LRP6: variants seen among roughly 807,000 people sequenced by gnomAD.
The protein encoded by LRP6 is LDL receptor related protein 6, also known as low-density lipoprotein receptor-related protein 6.
LRP6 carries 43 observed loss-of-function variants against 184.1 expected under a neutral mutation model. The ratio of observed to expected loss-of-function variants is 0.23; its 90% CI spans 0.18 to 0.30. LRP6 has a LOEUF of 0.30. Ranked by LOEUF, LRP6 falls within the 10% of genes least tolerant of loss-of-function variation. The probability of loss-of-function intolerance (pLI) is 1.00; values close to 1 mark genes in which losing one functional copy is unlikely to be tolerated. For synonymous variants in LRP6, 719 were observed against 684.9 expected (o/e 1.05, Z -0.78); for missense variants, 1,571 against 2,005.3 (o/e 0.78, Z 4.14).
rs397743341 is a variant in LRP6, at chr12:12,238,235, A to AC, written c.449+6026dup. ...TGGCAGGTACAAAAGAAAAAAAAAA[A>AC]CAGAAAGTGGCTCAGAGAAATAATG... On this transcript the variant is annotated intron_variant, in intron 2 of 22. Coordinates refer to ENST00000261349, the MANE Select transcript of LRP6 (RefSeq NM_002336.3). Among the ~76,000 whole-genome samples the AC allele has an allele frequency of 5.3e-5, 8 of 151,804 alleles. No individual in the cohort carries two copies. In the South Asian group the frequency reaches 1.2e-3, roughly 24 times the overall value.
At chr12:12,234,311 A>AT (rs1291973126) in intron 2 of LRP6, among the ~76,000 whole-genome samples, 1 of 151,998 alleles carries the variant, frequency 6.6e-6, no homozygotes, top group Non-Finnish European at 1.5e-5. Context: ...TTAGCAAGGC[A>AT]TGATGGCACA....
chr12:12,256,021 AG>A (rs2135938039), intron 1 of LRP6, among the ~76,000 whole-genome samples: 1 of 152,340 alleles, frequency 6.6e-6, no homozygotes, highest in African/African-American at 2.4e-5. Flanking sequence ...AGGTACATAC[AG>A]AAAGTCCTGC....
Position 12,146,879 on chromosome 12 carries a change from G to A in LRP6, c.3397+487C>T, listed in dbSNP as rs959732682. On this transcript the variant is annotated intron_variant, in intron 15 of 22. Coordinates refer to ENST00000261349, the MANE Select transcript of LRP6 (RefSeq NM_002336.3). Reference sequence around the variant, plus strand: ...TAGAAATGTATTATTTACGCCGGGCGCGGTGGCTTACGCCTGTAATCCCAG... The same window carrying A: ...TAGAAATGTATTATTTACGCCGGGCACGGTGGCTTACGCCTGTAATCCCAG... 3.3e-5 allele frequency among the ~76,000 whole-genome samples: 5 copies of A among 152,236 alleles called. No individual in the cohort carries two copies. In the South Asian group the frequency reaches 6.2e-4, roughly 19 times the overall value.
chr12:12,125,151 G>T (rs1200935464), intron 21 of LRP6, 145 bp downstream of exon 21: 3 of 805,978 alleles, frequency 3.7e-6, no homozygotes, highest in Non-Finnish European at 6.2e-6. Context: ...ATGGTGGTGT[G>T]TGGTAAGTCC....
intron 11 of LRP6, 27 bp downstream of exon 11, chr12:12,159,753 G>A (rs986012384): frequency 6.2e-7 from 1 of 1,603,164 alleles, no homozygotes; most frequent in Non-Finnish European, 8.5e-7. Flanking sequence ...AGAATATACT[G>A]TTTGAGTAAA....
At chr12:12,204,545 C>G (rs1187695201) in intron 2 of LRP6, among the ~76,000 whole-genome samples, 1 of 150,750 alleles carries the variant, frequency 6.6e-6, no homozygotes, top group African/African-American at 2.5e-5. Flanking sequence ...TTCTATTCCA[C>G]AAGTTTGAAG....
intron 2 of LRP6, among the ~76,000 whole-genome samples, chr12:12,204,349 G>A (rs1340469661): frequency 6.7e-6 from 1 of 150,252 alleles, no homozygotes; most frequent in Non-Finnish European, 1.5e-5. Flanking sequence ...AAAGAGATAT[G>A]ATAACTACAT....
intron 2 of LRP6, among the ~76,000 whole-genome samples, chr12:12,215,419 T>C (rs946296674): frequency 6.6e-6 from 1 of 152,050 alleles, no homozygotes; most frequent in African/African-American, 2.4e-5. Flanking sequence ...ACTAAGATTA[T>C]TTTATTTTAT....
chr12:12,229,381 AAAAAAAGAAG>A (rs200632335), intron 2 of LRP6, among the ~76,000 whole-genome samples: 22,397 of 144,656 alleles, frequency 0.15, 2,261 homozygotes, highest in Non-Finnish European at 0.2. Flanking sequence ...AAAAAAAAAA[AAAAAAAGAAG>A]AAGAAGAAGA....
rs1949546272 is a variant in LRP6 at position 12,118,350 on chromosome 12, C to T, written c.*2776G>A. ...GACCACTTCAATGCAGAATAGCTTA[C>T]TGTGGTGCACACAAAGTATGTTATG... On this transcript the variant is annotated 3_prime_UTR_variant, in exon 23 of 23. Transcript: ENST00000261349. 1 of 152,202 alleles carries T rather than the reference C, an allele frequency of 6.6e-6. No individual in the cohort carries two copies. 9.4% of individuals were successfully genotyped at this position (152,202 alleles called of 1,614,324 possible).
rs749386666 is a variant in LRP6, at chr12:12,164,359, T to C, written c.1966A>G (p.Ile656Val). 71 of 1,614,040 alleles carry C rather than the reference T, an allele frequency of 4.4e-5. No individual in the cohort carries two copies. The Middle Eastern group carries it at 6.6e-4, about 15-fold the overall frequency. ...SLETNNNNVAIPLTGVKEASA... is the reference protein window; with the variant it reads ...SLETNNNNVAVPLTGVKEASA... ...GCTTCTTTGACACCAGTGAGTGGAATAGCCACATTATTATTGTTTGTTTCC... is the reference window on the plus strand; with the variant it reads ...GCTTCTTTGACACCAGTGAGTGGAACAGCCACATTATTATTGTTTGTTTCC... The change falls in exon 9 of 23, where the codon ATT becomes GTT. Residue 656 changes from isoleucine (I) to valine (V), a missense_variant. This residue lies in a region of LRP6 where 640 missense variants were observed against 851.9 expected (regional missense o/e 0.75). Coordinates refer to ENST00000261349, the MANE Select transcript of LRP6 (RefSeq NM_002336.3).
At position 12,121,335 on chromosome 12, in the gene LRP6, G is replaced by T; in HGVS notation, c.4633C>A (p.Arg1545=). 1.9e-6 allele frequency: 3 copies of T among 1,614,148 alleles called. No individual in the cohort carries two copies. Among genetic ancestry groups the T allele is most frequent in the Admixed American group, 3.3e-5 (2 of 60,016 alleles). ...DVCDSDYAPS[R]RMTSVATAKG... ...GCTGTTGCCACTGAGGTCATTCTCCGACTAGGAGCATAGTCACTGTCACAA... is the reference window on the plus strand; with the variant it reads ...GCTGTTGCCACTGAGGTCATTCTCCTACTAGGAGCATAGTCACTGTCACAA... The change falls in exon 23 of 23, where the codon CGG becomes AGG. Residue 1545 remains arginine (R), a synonymous_variant. Transcript: ENST00000261349.
chr12:12,162,450 T>C (rs775745171), intron 9 of LRP6, 31 bp from the exon 10 acceptor site: 4 of 1,557,536 alleles, frequency 2.6e-6, no homozygotes, highest in South Asian at 2.2e-5. Flanking sequence ...CTAAGTCATA[T>C]GGCATAAGTC....
intron 7 of LRP6, among the ~76,000 whole-genome samples, chr12:12,171,411 A>G (rs1863039224): frequency 6.6e-6 from 1 of 152,088 alleles, no homozygotes; most frequent in African/African-American, 2.4e-5. Flanking sequence ...AGTCCCAGCT[A>G]CTCAGGAGGT....
intron 1 of LRP6, among the ~76,000 whole-genome samples, chr12:12,248,377 ACT>A (rs1171851849): frequency 1.4e-5 from 2 of 147,698 alleles, no homozygotes; most frequent in Non-Finnish European, 3.0e-5. Context: ...ATTAGCTATT[ACT>A]CTTTTATCTA....
At position 12,198,094 on chromosome 12, in the gene LRP6, T is replaced by G. The variant is rs762145548; in HGVS notation, c.647+5109A>C. 5.9e-5 allele frequency among the ~76,000 whole-genome samples: 9 copies of G among 152,324 alleles called. No individual in the cohort carries two copies. In the South Asian group the frequency reaches 1.2e-3, roughly 21 times the overall value. On this transcript the variant is annotated intron_variant, in intron 3 of 22. Coordinates refer to ENST00000261349, the MANE Select transcript of LRP6 (RefSeq NM_002336.3). Reference sequence around the variant, plus strand: ...CCACCATGCTCGGCTAATTTTTGTATTTTTTGTAGAGGCAGGGTTTCACCA... The same window carrying G: ...CCACCATGCTCGGCTAATTTTTGTAGTTTTTGTAGAGGCAGGGTTTCACCA...
At chr12:12,227,777 T>C (rs899254704) in intron 2 of LRP6, among the ~76,000 whole-genome samples, 3 of 152,178 alleles carry the variant, frequency 2.0e-5, no homozygotes, top group Non-Finnish European at 4.4e-5. Context: ...GTGTAGTCAA[T>C]GATTTTAGCT....
intron 7 of LRP6, among the ~76,000 whole-genome samples, chr12:12,176,200 TC>T (rs1213265716): frequency 6.6e-6 from 1 of 152,126 alleles, no homozygotes. Context: ...ATAGTAAAAA[TC>T]AGGAGGGGGG....
chr12:12,141,196 T>TG (rs1298710862), intron 15 of LRP6, among the ~76,000 whole-genome samples: 12 of 144,364 alleles, frequency 8.3e-5, no homozygotes, highest in Admixed American at 4.3e-4. Context: ...AGGAAAGGGC[T>TG]GGGGGAGGGA....
Sources: gnomAD v4.1 joint callset for allele counts (sites outside exome capture counted in the v4.1 genomes callset) on GRCh38, gnomAD v4.1.1 for gene constraint, gnomAD v4.1.1 regional missense constraint, MANE v1.5 for transcripts, NCBI Gene and HGNC (gene_info 2026-07-23, HGNC 2026-07-21) for gene names.